The following SLA variants were observed in gnomAD, a reference collection of about 807,000 sequenced individuals.
SLA encodes src-like-adapter.
In SLA, 16 loss-of-function variants were observed where a neutral mutation model predicts 30.3. The ratio of observed to expected loss-of-function variants is 0.53; its 90% CI spans 0.36 to 0.80. The LOEUF is 0.80. Among genes scored for constraint, SLA ranks in the 30% least tolerant of loss-of-function variants. The probability of loss-of-function intolerance (pLI) is 0.01; values close to 1 mark genes in which losing one functional copy is unlikely to be tolerated. For missense variants in SLA, 310 were observed against 345.2 expected (o/e 0.90, Z 0.81); for synonymous variants, 143 against 137.8 (o/e 1.04, Z -0.26).
rs1383942452 is a variant in SLA, at chr8:133,070,047, AAGAAG to A, written c.-41+4801_-41+4805del. The stretch of plus-strand genomic sequence containing the variant: ...AAAAAGAAAGAAAGAAAGAAAAGAA[AAGAAG>A]AAAAGAAAGGAACTGAAGAAACAAT... On this transcript the variant is annotated intron_variant, in intron 2 of 8. Transcript: ENST00000338087. Among the ~76,000 whole-genome samples, 4 of 151,566 alleles carry A rather than the reference AAGAAG, an allele frequency of 2.6e-5. 1 individual carries two copies. The highest frequency in any genetic ancestry group is 3.4e-3 in the Middle Eastern group (1 of 294).
chr8:133,044,052 A>T (rs930016081), intron 7 of SLA, among the ~76,000 whole-genome samples: 3 of 152,096 alleles, frequency 2.0e-5, no homozygotes, highest in South Asian at 4.1e-4. Flanking sequence ...GGGAGGGGGA[A>T]CTACTAGTGT....
chr8:133,060,617 C>T (rs1842231966), intron 2 of SLA, among the ~76,000 whole-genome samples: 1 of 152,152 alleles, frequency 6.6e-6, no homozygotes, highest in Admixed American at 6.5e-5. Flanking sequence ...GTCTGTACAA[C>T]CAAAGGCATG....
At chr8:133,076,966 A>G (rs944418647) in intron 1 of SLA, among the ~76,000 whole-genome samples, 1 of 152,144 alleles carries the variant, frequency 6.6e-6, no homozygotes, top group African/African-American at 2.4e-5. Context: ...TCCTATGGGA[A>G]AGACTGAATA....
intron 1 of SLA, among the ~76,000 whole-genome samples, chr8:133,101,882 C>T (rs1362798227): frequency 3.9e-5 from 6 of 152,158 alleles, no homozygotes; most frequent in Non-Finnish European, 2.9e-5. Flanking sequence ...ACCAGGACCC[C>T]GCTCCCTTGG....
At chr8:133,039,899 A>G in intron 8 of SLA, 99 bp downstream of exon 8, 5 of 1,483,482 alleles carry the variant, frequency 3.4e-6, no homozygotes, top group Non-Finnish European at 2.7e-6. Context: ...CATGGTTTTC[A>G]TGTGCTCGGC....
intron 2 of SLA, among the ~76,000 whole-genome samples, chr8:133,074,059 G>T (rs1370152407): frequency 6.6e-6 from 1 of 152,066 alleles, no homozygotes; most frequent in Non-Finnish European, 1.5e-5. Context: ...TTGACACCAG[G>T]CTCTCTCCAT....
chr8:133,096,155 C>T, intron 1 of SLA: 3 of 1,602,976 alleles, frequency 1.9e-6, no homozygotes, highest in Admixed American at 1.7e-5. Context: ...TTATGCAAAG[C>T]AGTGCAACTG....
chr8:133,056,955 G>T (rs1034018708), intron 3 of SLA, among the ~76,000 whole-genome samples: 1 of 152,160 alleles, frequency 6.6e-6, no homozygotes, highest in Admixed American at 6.5e-5. Context: ...GTGGGCCTGG[G>T]GTGGGACCCA....
intron 1 of SLA, among the ~76,000 whole-genome samples, chr8:133,083,669 A>G (rs1846071237): frequency 6.6e-6 from 1 of 151,854 alleles, no homozygotes. Flanking sequence ...CCGAAAGCCC[A>G]TGATCTCTCT....
At chr8:133,086,264 G>A (rs949970317) in intron 1 of SLA, among the ~76,000 whole-genome samples, 1 of 152,190 alleles carries the variant, frequency 6.6e-6, no homozygotes, top group African/African-American at 2.4e-5. Context: ...TAATGAAAAT[G>A]TTCTAAAATT....
intron 3 of SLA, among the ~76,000 whole-genome samples, chr8:133,051,374 G>T (rs1411952290): frequency 2.0e-5 from 3 of 152,164 alleles, no homozygotes; most frequent in African/African-American, 7.2e-5. Context: ...AATGCCTCGG[G>T]TGTCCACTCT....
chr8:133,097,450 A>T (rs956263907), intron 1 of SLA, among the ~76,000 whole-genome samples: 4 of 152,258 alleles, frequency 2.6e-5, no homozygotes, highest in African/African-American at 9.6e-5. Context: ...TGACTAAATT[A>T]AGATACAAAC....
At chr8:133,065,587 C>A (rs955925671) in intron 2 of SLA, among the ~76,000 whole-genome samples, 8 of 152,054 alleles carry the variant, frequency 5.3e-5, no homozygotes, top group Non-Finnish European at 1.0e-4. Context: ...CATGGAGGAA[C>A]CCCGTCTCTA....
intron 2 of SLA, among the ~76,000 whole-genome samples, chr8:133,067,897 AGGAAGGAAGGAAGGAAGGAAAGAGAG>A (rs1564145763): frequency 1.7e-5 from 2 of 115,890 alleles, no homozygotes; most frequent in African/African-American, 5.6e-5. Context: ...TATGTATGGA[AGGAAGGAAGGAAGGAAGGAAAGAGAG>A]AGAGAGAGAA....
chr8:133,040,417 C>A, intron 7 of SLA: 1 of 368,666 alleles, frequency 2.7e-6, no homozygotes, highest in South Asian at 5.2e-5. Flanking sequence ...TTTAGCTTTA[C>A]CCCGATAGTA....
intron 1 of SLA, among the ~76,000 whole-genome samples, chr8:133,081,459 A>G (rs1588029459): frequency 6.6e-6 from 1 of 152,358 alleles, no homozygotes; most frequent in East Asian, 1.9e-4. Context: ...TTTCTGGAAC[A>G]TCTCCAAAGT....
At chr8:133,077,904 A>G (rs1845155383) in intron 1 of SLA, among the ~76,000 whole-genome samples, 1 of 152,020 alleles carries the variant, frequency 6.6e-6, no homozygotes, top group African/African-American at 2.4e-5. Flanking sequence ...AAAATGTCCC[A>G]GAAATTGTCA....
rs377676469 is a variant in SLA, at chr8:133,102,601, A to G, written c.-367T>C. On this transcript the variant is annotated 5_prime_UTR_variant, in exon 1 of 9. Coordinates refer to ENST00000338087, the MANE Select transcript of SLA (RefSeq NM_001045556.3). ...AGATGTTCTCCATTCGCAGCAAATG[A>G]TCTTATTTTCTGAAGTAGCAGCTTT... The G allele has an allele frequency of 1.9e-6, 3 of 1,549,232 alleles. No individual in the cohort carries two copies. The highest frequency in any genetic ancestry group is 2.6e-6 in the Non-Finnish European group (3 of 1,144,830).
At chr8:133,049,542 G>A (rs1840038634) in intron 5 of SLA, 2 of 299,534 alleles carry the variant, frequency 6.7e-6, no homozygotes, top group South Asian at 3.6e-5. Flanking sequence ...CTGGCACACA[G>A]CCAGTAAGTG....
Sources: gnomAD v4.1 joint callset for allele counts (sites outside exome capture counted in the v4.1 genomes callset) on GRCh38, gnomAD v4.1.1 for gene constraint, MANE v1.5 for transcripts, NCBI Gene and HGNC (gene_info 2026-07-23, HGNC 2026-07-21) for gene names.